Variants in ARHGAP22 observed in about 807,000 individuals in gnomAD.
ARHGAP22 encodes the protein Rho GTPase activating protein 22, also known as rho GTPase-activating protein 22.
In ARHGAP22, 48 loss-of-function variants were observed where a neutral mutation model predicts 59.1. The ratio of observed to expected loss-of-function variants is 0.81; its 90% CI spans 0.64 to 1.03. The LOEUF (loss-of-function observed/expected upper bound fraction) is 1.03, where lower values mean the gene tolerates loss of function less well. Among genes scored for constraint, ARHGAP22 ranks in the 50% least tolerant of loss-of-function variants. The probability of loss-of-function intolerance (pLI) is 0.00; values close to 1 mark genes in which losing one functional copy is unlikely to be tolerated. For synonymous variants in ARHGAP22, 445 were observed against 416.4 expected (o/e 1.07, Z -0.84); for missense variants, 1,015 against 958.7 (o/e 1.06, Z -0.78).
At chr10:48,642,379 C>T (rs1459035721) in intron 1 of ARHGAP22, among the ~76,000 whole-genome samples, 2 of 152,142 alleles carry the variant, frequency 1.3e-5, no homozygotes, top group African/African-American at 4.8e-5. Flanking sequence ...GGTACTGGTA[C>T]CGAAACAGAG....
intron 3 of ARHGAP22, among the ~76,000 whole-genome samples, chr10:48,506,440 A>G (rs2052147814): frequency 6.6e-6 from 1 of 152,222 alleles, no homozygotes; most frequent in South Asian, 2.1e-4. Context: ...GGTACCATGA[A>G]AATACAATAC....
chr10:48,519,698 C>T (rs1027714805), intron 3 of ARHGAP22, among the ~76,000 whole-genome samples: 10 of 152,232 alleles, frequency 6.6e-5, no homozygotes, highest in Non-Finnish European at 2.9e-5. Flanking sequence ...GAGATGGATT[C>T]GGGCACAGGC....
chr10:48,521,972 C>T (rs1039444114), intron 3 of ARHGAP22, among the ~76,000 whole-genome samples: 1 of 152,218 alleles, frequency 6.6e-6, no homozygotes, highest in Non-Finnish European at 1.5e-5. Context: ...TAACCCTTCC[C>T]GTGTTTATTG....
At position 48,451,112 on chromosome 10, in the gene ARHGAP22, G is replaced by C; in HGVS notation, c.1017C>G (p.Thr339=). The C allele has an allele frequency of 6.4e-7, 1 of 1,553,120 alleles. No individual in the cohort carries two copies. Among genetic ancestry groups the C allele is most frequent in the Admixed American group, 1.9e-5 (1 of 51,354 alleles). The change falls in exon 9 of 10, where the codon ACC becomes ACG. Residue 339 remains threonine (T), a synonymous_variant. Coordinates refer to ENST00000249601, the MANE Select transcript of ARHGAP22 (RefSeq NM_021226.4). The part of the protein sequence containing the change: ...EGTSLVQHLM[T]VLIRKHSQLF... Reference sequence around the variant, plus strand: ...GCTGGCTGTGTTTGCGGATGAGGACGGTCATCAGGTGCTGGACGAGGGAAG... The same window carrying C: ...GCTGGCTGTGTTTGCGGATGAGGACCGTCATCAGGTGCTGGACGAGGGAAG...
chr10:48,578,474 TGA>T (rs1462065546), intron 2 of ARHGAP22, among the ~76,000 whole-genome samples: 7 of 152,090 alleles, frequency 4.6e-5, no homozygotes, highest in Non-Finnish European at 8.8e-5. Flanking sequence ...ACTGGAAGTT[TGA>T]ATTTGAGTTT....
intron 1 of ARHGAP22, among the ~76,000 whole-genome samples, chr10:48,633,231 G>A (rs951882535): frequency 6.6e-6 from 1 of 152,108 alleles, no homozygotes; most frequent in Admixed American, 6.5e-5. Context: ...ACCTTTAATG[G>A]CCCCAGTCAG....
At chr10:48,576,030 C>T (rs756849828) in intron 2 of ARHGAP22, among the ~76,000 whole-genome samples, 5 of 152,186 alleles carry the variant, frequency 3.3e-5, no homozygotes, top group Non-Finnish European at 5.9e-5. Flanking sequence ...TCGCAGCCCA[C>T]GAAGTGAGGA....
upstream of ARHGAP22, among the ~76,000 whole-genome samples, chr10:48,652,803 C>T (rs2062617754): frequency 6.6e-6 from 1 of 152,116 alleles, no homozygotes; most frequent in Non-Finnish European, 1.5e-5. Flanking sequence ...CTGGTGGGCA[C>T]AGCAGTCCTG....
intron 5 of ARHGAP22, 126 bp from the exon 6 acceptor site, chr10:48,455,260 T>G (rs899464495): frequency 4.3e-6 from 5 of 1,158,992 alleles, no homozygotes; most frequent in Non-Finnish European, 5.8e-6. Flanking sequence ...CACTGGGGGC[T>G]GCATCTGCGG....
At chr10:48,598,684 C>T (rs551705466) in intron 1 of ARHGAP22, among the ~76,000 whole-genome samples, 9 of 152,224 alleles carry the variant, frequency 5.9e-5, no homozygotes, top group Non-Finnish European at 1.0e-4. Flanking sequence ...CAGACAGGCA[C>T]GCCACTCCAT....
the ARHGAP22 span, chr10:48,436,331 G>C: frequency 6.6e-6 from 1 of 152,184 alleles, no homozygotes; most frequent in African/African-American, 2.4e-5. Flanking sequence ...GAATGGTGCT[G>C]CTCCTGACAA....
chr10:48,559,140 G>T (rs533068847), intron 2 of ARHGAP22, among the ~76,000 whole-genome samples: 1 of 152,316 alleles, frequency 6.6e-6, no homozygotes, highest in East Asian at 1.9e-4. Context: ...TTGCCAGCTG[G>T]CCTTCCTACT....
chr10:48,536,220 T>G (rs957283055), intron 3 of ARHGAP22, among the ~76,000 whole-genome samples: 1 of 152,220 alleles, frequency 6.6e-6, no homozygotes, highest in Non-Finnish European at 1.5e-5. Flanking sequence ...TGCCCCAGGA[T>G]GATGGGCACA....
At chr10:48,454,642 G>A (rs10857572) in intron 6 of ARHGAP22, among the ~76,000 whole-genome samples, 120,413 of 152,044 alleles carry the variant, frequency 0.79, 49,652 homozygotes, top group East Asian at 0.95. Context: ...AAGATGTCCT[G>A]GTTTCTGAGC....
chr10:48,656,240 G>A (rs1463343731), upstream of ARHGAP22: 3 of 144,076 alleles, frequency 2.1e-5, no homozygotes, highest in South Asian at 4.6e-4. Context: ...CAGGCAGGAC[G>A]GAGCTCCCGG....
At chr10:48,460,430 T>C (rs2047028440) in intron 4 of ARHGAP22, among the ~76,000 whole-genome samples, 1 of 152,200 alleles carries the variant, frequency 6.6e-6, no homozygotes, top group Non-Finnish European at 1.5e-5. Flanking sequence ...CACTATCTGA[T>C]ACCACCTCAC....
At chr10:48,474,279 G>A (rs1036742107) in intron 4 of ARHGAP22, among the ~76,000 whole-genome samples, 2 of 151,900 alleles carry the variant, frequency 1.3e-5, no homozygotes, top group South Asian at 4.2e-4. Flanking sequence ...AAATAAAATT[G>A]GTTTGTATAT....
chr10:48,496,284 T>C (rs2050918687), intron 3 of ARHGAP22, among the ~76,000 whole-genome samples: 1 of 152,064 alleles, frequency 6.6e-6, no homozygotes, highest in Non-Finnish European at 1.5e-5. Context: ...GGTATGAGGA[T>C]ATACAATCCT....
At chr10:48,442,667 C>T (rs2045230869), downstream of ARHGAP22, among the ~76,000 whole-genome samples, 1 of 152,186 alleles carries the variant, frequency 6.6e-6, no homozygotes, top group African/African-American at 2.4e-5. Context: ...TGCTCTACTC[C>T]TCAGTCCCTT....
Sources: allele counts gnomAD v4.1 joint callset (sites outside exome capture counted in the v4.1 genomes callset), GRCh38; gene constraint gnomAD v4.1.1; transcripts MANE v1.5; gene names NCBI Gene and HGNC (gene_info 2026-07-23, HGNC 2026-07-21).